NCOA2: variants seen among roughly 807,000 people sequenced by gnomAD.
The protein encoded by NCOA2 is nuclear receptor coactivator 2.
Under a neutral mutation model 145.1 loss-of-function variants are expected in NCOA2, and 21 were observed. That is an observed-to-expected ratio of 0.14 (90% CI 0.10 to 0.21). The LOEUF (loss-of-function observed/expected upper bound fraction) is 0.21. NCOA2 is among the 10% of genes least tolerant of loss of function. The probability of loss-of-function intolerance (pLI) is 1.00; values close to 1 mark genes in which losing one functional copy is unlikely to be tolerated. For synonymous variants in NCOA2, 619 were observed against 637.5 expected (o/e 0.97, Z 0.44); for missense variants, 1,472 against 1,837.6 (o/e 0.80, Z 3.64).
the NCOA2 span, among the ~76,000 whole-genome samples, chr8:70,414,323 T>C: frequency 6.1e-3 from 935 of 152,312 alleles, 9 homozygotes; most frequent in African/African-American, 0.021. Context: ...TTCTCTCTCC[T>C]TACTGTGGGC....
intron 4 of NCOA2, among the ~76,000 whole-genome samples, chr8:70,182,283 A>G (rs182681059): frequency 3.9e-5 from 6 of 152,290 alleles, no homozygotes; most frequent in Non-Finnish European, 1.5e-5. Flanking sequence ...TAACATCATG[A>G]TTTCCCTTCA....
chr8:70,132,089 A>G, intron 15 of NCOA2, 87 bp from the exon 16 acceptor site: 1 of 1,365,746 alleles, frequency 7.3e-7, no homozygotes, highest in Admixed American at 2.2e-5. Flanking sequence ...GAAAGTATCA[A>G]TTGACTTCCA....
At chr8:70,335,809 G>A (rs1807533291) in intron 1 of NCOA2, among the ~76,000 whole-genome samples, 1 of 152,098 alleles carries the variant, frequency 6.6e-6, no homozygotes. Context: ...GGTGGAGCCT[G>A]CTACACACCG....
At chr8:70,237,003 A>G (rs1821675282) in intron 2 of NCOA2, among the ~76,000 whole-genome samples, 1 of 152,172 alleles carries the variant, frequency 6.6e-6, no homozygotes, top group African/African-American at 2.4e-5. Flanking sequence ...GACAGAAAGG[A>G]AGTATTTCTC....
At chr8:70,426,489 T>A in the NCOA2 span, among the ~76,000 whole-genome samples, 1 of 152,158 alleles carries the variant, frequency 6.6e-6, no homozygotes. Context: ...AACTAAGAAC[T>A]GACTAAAAGA....
At chr8:70,174,919 G>T in intron 4 of NCOA2, 60 bp from the exon 5 acceptor site, 1 of 1,466,672 alleles carries the variant, frequency 6.8e-7, no homozygotes, top group Non-Finnish European at 9.5e-7. Context: ...GAGTGACACA[G>T]AAATGTTTTT....
Position 70,239,206 on chromosome 8 carries a change from G to A in NCOA2, c.-19-22442C>T, listed in dbSNP as rs12681371. ...TCTGGAGGTGATGGGAGATCAAACC[G>A]GGTAGGACAGAAGGGGCCTCAAACA... On this transcript the variant is annotated intron_variant, in intron 2 of 22. Coordinates refer to ENST00000452400, the MANE Select transcript of NCOA2 (RefSeq NM_006540.4). Among the ~76,000 whole-genome samples, 303 of 152,190 alleles carry A rather than the reference G, an allele frequency of 2.0e-3. 4 individuals carry two copies. The East Asian group carries it at 0.055, about 28-fold the overall frequency.
At chr8:70,313,776 T>C (rs748912414) in intron 1 of NCOA2, among the ~76,000 whole-genome samples, 2 of 152,214 alleles carry the variant, frequency 1.3e-5, no homozygotes, top group Non-Finnish European at 2.9e-5. Context: ...AAAATGTTTA[T>C]ACAAGTTTCT....
At chr8:70,159,242 A>ATATATATATATATATATATTTT in intron 10 of NCOA2, among the ~76,000 whole-genome samples, 2 of 61,076 alleles carry the variant, frequency 3.3e-5, no homozygotes, top group African/African-American at 1.1e-4. Context: ...ATATATATAT[A>ATATATATATATATATATATTTT]TTTTTTTTTT....
intron 2 of NCOA2, among the ~76,000 whole-genome samples, chr8:70,230,491 T>A (rs1027336206): frequency 6.6e-6 from 1 of 152,188 alleles, no homozygotes; most frequent in Non-Finnish European, 1.5e-5. Context: ...TCAAGAAAGC[T>A]ATCATATGAA....
At chr8:70,113,777 G>T in intron 22 of NCOA2, 134 bp from the exon 23 acceptor site, 6 of 840,598 alleles carry the variant, frequency 7.1e-6, no homozygotes, top group Non-Finnish European at 1.2e-5. Flanking sequence ...ATCTGGATGA[G>T]TACATTCGAT....
chr8:70,143,092 G>A (rs139528897), intron 13 of NCOA2, among the ~76,000 whole-genome samples: 1 of 152,006 alleles, frequency 6.6e-6, no homozygotes. Context: ...CGGGATTACA[G>A]GTGCACGCCA....
chr8:70,436,416 T>C, the NCOA2 span, among the ~76,000 whole-genome samples: 2 of 152,212 alleles, frequency 1.3e-5, no homozygotes, highest in Admixed American at 1.3e-4. Flanking sequence ...ACAGCATTCC[T>C]AGGAACTTTC....
chr8:70,186,763 AG>A (rs1268793534), intron 4 of NCOA2, among the ~76,000 whole-genome samples: 2 of 152,240 alleles, frequency 1.3e-5, no homozygotes, highest in African/African-American at 4.8e-5. Flanking sequence ...CAGGTAAAAC[AG>A]TAGGTGAGAA....
the NCOA2 span, among the ~76,000 whole-genome samples, chr8:70,421,107 T>G: frequency 1.3e-5 from 2 of 152,124 alleles, no homozygotes; most frequent in Non-Finnish European, 1.5e-5. Flanking sequence ...TTTGAATTTT[T>G]GGGGCTTTTA....
At chr8:70,408,972 C>T in the NCOA2 span, among the ~76,000 whole-genome samples, 79 of 152,160 alleles carry the variant, frequency 5.2e-4, no homozygotes, top group African/African-American at 1.9e-3. Context: ...GGTATAGTGG[C>T]TCATGCCTGT....
chr8:70,184,216 C>A (rs746473619), intron 4 of NCOA2, among the ~76,000 whole-genome samples: 24 of 152,304 alleles, frequency 1.6e-4, no homozygotes, highest in Non-Finnish European at 2.6e-4. Flanking sequence ...TTTCTCTACA[C>A]CTGAGCCACG....
At chr8:70,375,420 A>C (rs1182646775) in intron 1 of NCOA2, among the ~76,000 whole-genome samples, 1 of 152,196 alleles carries the variant, frequency 6.6e-6, no homozygotes, top group Non-Finnish European at 1.5e-5. Flanking sequence ...CTGTTTCAGG[A>C]AACTCAAAAA....
At chr8:70,126,482 C>A in intron 19 of NCOA2, 1 of 302,214 alleles carries the variant, frequency 3.3e-6, no homozygotes, top group Non-Finnish European at 6.2e-6. Flanking sequence ...CATATATGAA[C>A]TTGTAGACAT....
Sources: allele counts gnomAD v4.1 joint callset (sites outside exome capture counted in the v4.1 genomes callset), GRCh38; gene constraint gnomAD v4.1.1; transcripts MANE v1.5; gene names NCBI Gene and HGNC (gene_info 2026-07-23, HGNC 2026-07-21).